SPTBN5: variants seen among roughly 807,000 people sequenced by gnomAD.
SPTBN5 encodes spectrin beta chain, non-erythrocytic 5.
SPTBN5 carries 513 observed loss-of-function variants against 477.6 expected under a neutral mutation model. The ratio of observed to expected loss-of-function variants is 1.07; its 90% CI spans 1.00 to 1.16. The LOEUF (loss-of-function observed/expected upper bound fraction) is 1.16, where lower values mean the gene tolerates loss of function less well. SPTBN5 is among the 50% of genes most tolerant of loss of function. The pLI, the probability that SPTBN5 is intolerant of heterozygous loss-of-function variation, is 0.00. For synonymous variants in SPTBN5, 2,169 were observed against 2,011.7 expected, an observed-to-expected ratio of 1.08 and a Z score of -2.09; for missense variants, 5,062 against 4,731.8, an observed-to-expected ratio of 1.07 and a Z score of -2.05.
chr15:41,881,799 G>T, intron 12 of SPTBN5, 137 bp downstream of exon 12: 1 of 756,170 alleles, frequency 1.3e-6, no homozygotes, highest in Non-Finnish European at 2.0e-6. Context: ...GGACTGGGGT[G>T]AGGGACACCT....
rs751598869 is a variant in SPTBN5 at position 41,858,615 on chromosome 15, T to C, written c.8213A>G (p.Gln2738Arg). ...AELDASMHQQ[Q>R]ELQREGQRLL... ...GCAGGGCCTCACCCGCTGCAGCTCC[T>C]GCTGTTGGTGCATGCTCGCGTCCAG... Residue 2738 changes from glutamine to arginine, a missense_variant, in exon 49 of 68, where the codon CAG becomes CGG. Coordinates refer to ENST00000320955, the MANE Select transcript of SPTBN5 (RefSeq NM_016642.4). 8.1e-6 allele frequency: 13 copies of C among 1,611,316 alleles called. No individual in the cohort carries two copies. The highest frequency in any genetic ancestry group is 5.0e-5 in the Admixed American group (3 of 59,846).
intron 63 of SPTBN5, 73 bp downstream of exon 63, chr15:41,851,706 G>C (rs1334729121): frequency 8.6e-7 from 1 of 1,158,792 alleles, no homozygotes; most frequent in South Asian, 1.3e-5. Flanking sequence ...GCCAGGCCCA[G>C]ATGGCTCTTC....
intron 45 of SPTBN5, 53 bp from the exon 46 acceptor site, chr15:41,861,549 A>G: frequency 6.3e-7 from 1 of 1,581,756 alleles, no homozygotes; most frequent in Non-Finnish European, 8.7e-7. Context: ...CAGCCACTGC[A>G]GTTGGAGTGA....
intron 16 of SPTBN5, among the ~76,000 whole-genome samples, chr15:41,878,928 T>C (rs1310474652): frequency 1.3e-5 from 2 of 152,034 alleles, no homozygotes; most frequent in South Asian, 2.1e-4. Flanking sequence ...TAGCCAGGCA[T>C]GGTGGTGGGC....
At chr15:41,862,089 G>A (rs956702764) in intron 44 of SPTBN5, 41 bp downstream of exon 44, 4 of 1,404,066 alleles carry the variant, frequency 2.8e-6, no homozygotes, top group Middle Eastern at 2.0e-4. Flanking sequence ...GCAGGGCGGA[G>A]CTGAGAGCCT....
At chr15:41,871,341 A>G (rs143172699) in intron 29 of SPTBN5, 34 bp downstream of exon 29, 33 of 1,383,470 alleles carry the variant, frequency 2.4e-5, no homozygotes, top group South Asian at 3.7e-5. Context: ...CCTTCCCCCA[A>G]ACCCCATGCT....
intron 31 of SPTBN5, 48 bp downstream of exon 31, chr15:41,870,195 G>A (rs1370388168): frequency 1.3e-6 from 2 of 1,524,214 alleles, no homozygotes; most frequent in South Asian, 2.4e-5. Flanking sequence ...AGGCCAGCCT[G>A]AGGGGGCTGC....
chr15:41,876,134 G>C lies in SPTBN5; in HGVS notation c.4102C>G (p.His1368Asp), dbSNP rs2066716781. The C allele has an allele frequency of 1.1e-5, 18 of 1,602,400 alleles. No homozygotes were observed. The East Asian group carries it at 4.0e-4, about 36-fold the overall frequency. ...AESELLATRR[H>D]VEALQQVGRE... is the part of the protein sequence containing the mutation. ...CCCACCTGCTGCAGGGCCTCCACGT[G>C]TCTGCGGGTGGCGAGTAGCTCGCTC... Residue 1368 changes from histidine to aspartate, a missense_variant, in exon 21 of 68, where the codon CAC becomes GAC. Transcript: ENST00000320955.
rs763591918 is a variant in SPTBN5 at position 41,848,548 on chromosome 15, CTT to C, written c.*66_*67del. The C allele has an allele frequency of 1.2e-5, 19 of 1,599,094 alleles. No individual in the cohort carries two copies. In the East Asian group the frequency reaches 1.3e-4, roughly 11 times the overall value. On this transcript the variant is annotated 3_prime_UTR_variant, in exon 68 of 68. Coordinates refer to ENST00000320955, the MANE Select transcript of SPTBN5 (RefSeq NM_016642.4). ...GGAGCCCTTTTGCCTGTAGCTGAGT[CTT>C]ATTCTGGTCCCTTAGATGTGTCCTC...
rs61741913 is a variant in SPTBN5, at chr15:41,869,928, C to T, written c.5766G>A (p.Thr1922=). The change falls in exon 32 of 68, where the codon ACG becomes ACA. Residue 1922 remains threonine (T), a synonymous_variant. Transcript: ENST00000320955. ...GTCGCTGCAGCACTGCCCACGCCTGCGTCACAGCTTGCTGCCTCTGCTGCA... is the reference window on the plus strand; with the variant it reads ...GTCGCTGCAGCACTGCCCACGCCTGTGTCACAGCTTGCTGCCTCTGCTGCA... ...HAVQQRQQAV[T]QAWAVLQRRM... is the part of the protein sequence containing the mutation. The T allele has an allele frequency of 2.7e-3, 4,151 of 1,553,402 alleles. 104 individuals are homozygous for T. In the African/African-American group the frequency reaches 0.051, roughly 19 times the overall value.
In SPTBN5 at chr15:41,872,964, G is replaced by C. The variant is rs146346619; in HGVS notation, c.5008-505C>G. Among the ~76,000 whole-genome samples, 6 of 152,200 alleles carry C rather than the reference G, an allele frequency of 3.9e-5. No individual in the cohort carries two copies. In the East Asian group the frequency reaches 1.2e-3, roughly 29 times the overall value. ...GGACAGTTCAGTGACAGCAGGAACCGGGACTGCCGTGGGCTCCAGGCTTTG... is the reference window on the plus strand; with the variant it reads ...GGACAGTTCAGTGACAGCAGGAACCCGGACTGCCGTGGGCTCCAGGCTTTG... On this transcript the variant is annotated intron_variant, in intron 26 of 67. Transcript: ENST00000320955.
chr15:41,848,494 G>C lies in SPTBN5; in HGVS notation c.*122C>G. On this transcript the variant is annotated 3_prime_UTR_variant, in exon 68 of 68. Coordinates refer to ENST00000320955, the MANE Select transcript of SPTBN5 (RefSeq NM_016642.4). ...ACTGTCTATTCCAGAAGCTGGGCCT[G>C]GGGAACTGGGTTGAAGCAGCCACGG... The C allele has an allele frequency of 8.7e-7, 1 of 1,148,462 alleles. No homozygotes were observed. The highest frequency in any genetic ancestry group is 2.3e-5 in the East Asian group (1 of 42,664). The allele number at this position is 1,148,462 out of a possible 1,614,324, so 71.1% of individuals were successfully genotyped here. A position where few individuals can be genotyped will look rare whatever the true frequency, so the allele number is the denominator to read the frequency against.
At position 41,882,674 on chromosome 15, in the gene SPTBN5, C is replaced by T. The variant is rs1045119978; in HGVS notation, c.1957G>A (p.Ala653Thr). ...CGCTGTCCGCACTCCTTCAGCCAGGCTTCCTCCTCCTCACAGTTGCGCAGG... is the reference window on the plus strand; with the variant it reads ...CGCTGTCCGCACTCCTTCAGCCAGGTTTCCTCCTCCTCACAGTTGCGCAGG... ...EFLRNCEEEE[A>T]WLKECGQRVG... The change falls in exon 10 of 68, where the codon GCC becomes ACC. Residue 653 changes from alanine to threonine, a missense_variant. Ala to Thr is a moderately conservative substitution (Grantham distance 58, BLOSUM62 0). Coordinates refer to ENST00000320955, the MANE Select transcript of SPTBN5 (RefSeq NM_016642.4). 6.2e-7 allele frequency: 1 copy of T among 1,608,714 alleles called. No individual in the cohort carries two copies. Among genetic ancestry groups the T allele is most frequent in the Non-Finnish European group, 8.5e-7 (1 of 1,178,002 alleles).
rs577157897 is a variant in SPTBN5, at chr15:41,857,371, T to C, written c.8488A>G (p.Arg2830Gly). ...PGVGELLGTQ[R>G]ELEAAVDKKA... ...TTGTCCACTGCTGCCTCCAGCTCCC[T>C]CTGTGTGCCCAGGAGCTCGCCCACC... The change falls in exon 51 of 68, where the codon AGG becomes GGG. Residue 2830 changes from arginine (R) to glycine (G), a missense_variant. Physicochemically the swap from Arg to Gly is moderately radical, Grantham distance 125 (BLOSUM62 -2). Transcript: ENST00000320955. 88 of 1,578,530 alleles carry C rather than the reference T, an allele frequency of 5.6e-5. No homozygotes were observed. In the African/African-American group the frequency reaches 1.1e-3, roughly 19 times the overall value.
intron 7 of SPTBN5, 92 bp from the exon 8 acceptor site, chr15:41,883,578 T>A: frequency 6.8e-7 from 1 of 1,478,924 alleles, no homozygotes; most frequent in Non-Finnish European, 9.2e-7. Flanking sequence ...TTGGCTGCCC[T>A]GGAAGAGTCT....
At position 41,855,281 on chromosome 15, in the gene SPTBN5, G is replaced by A. The variant is rs747887128; in HGVS notation, c.9366C>T (p.Thr3122=). ...RETLLLDAWL[T]TKAATAESQD... ...GGGACTCGGCGGTGGCCGCCTTGGT[G>A]GTCAGCCAGGCGTCGAGGAGCAGGG... Residue 3122 remains threonine, a synonymous_variant, in exon 55 of 68, where the codon ACC becomes ACT. Transcript: ENST00000320955. The A allele has an allele frequency of 2.5e-6, 4 of 1,612,290 alleles. No individual in the cohort carries two copies. Among genetic ancestry groups the A allele is most frequent in the Non-Finnish European group, 3.4e-6 (4 of 1,179,756 alleles).
At chr15:41,862,328 T>C in intron 43 of SPTBN5, 36 bp from the exon 44 acceptor site, 1 of 1,560,974 alleles carries the variant, frequency 6.4e-7, no homozygotes, top group Non-Finnish European at 8.7e-7. Flanking sequence ...CGTCAGGCCT[T>C]CAAACCCCTC....
intron 56 of SPTBN5, 89 bp downstream of exon 56, chr15:41,854,693 T>C (rs555903577): frequency 8.3e-7 from 1 of 1,200,244 alleles, no homozygotes; most frequent in East Asian, 2.6e-5. Context: ...TGTGTCTTGT[T>C]GGAACCAAAG....
intron 19 of SPTBN5, 45 bp downstream of exon 19, chr15:41,876,764 G>T (rs1206220936): frequency 6.2e-7 from 1 of 1,608,276 alleles, no homozygotes; most frequent in South Asian, 1.1e-5. Context: ...TGTGCAGGCT[G>T]AGAAAGGGTC....
Sources: allele counts gnomAD v4.1 joint callset (sites outside exome capture counted in the v4.1 genomes callset), GRCh38; gene constraint gnomAD v4.1.1; transcripts MANE v1.5; gene names NCBI Gene and HGNC (gene_info 2026-07-23, HGNC 2026-07-21).